Variants in ITGAM observed in about 807,000 individuals in gnomAD.
The protein encoded by ITGAM is integrin alpha-M.
A neutral mutation model predicts 137.5 loss-of-function variants in ITGAM; 79 were observed. The ratio of observed to expected loss-of-function variants is 0.57; its 90% CI spans 0.48 to 0.69. The LOEUF (loss-of-function observed/expected upper bound fraction) is 0.69, where lower values mean the gene tolerates loss of function less well. Ranked by LOEUF, ITGAM falls within the 30% of genes least tolerant of loss-of-function variation. The pLI is 0.00. For synonymous variants in ITGAM, 583 were observed against 592.3 expected (o/e 0.98, Z 0.23); for missense variants, 1,343 against 1,483.5 (o/e 0.91, Z 1.56).
chr16:31,316,749 A>G (rs1186368728), intron 14 of ITGAM, among the ~76,000 whole-genome samples: 1 of 152,170 alleles, frequency 6.6e-6, no homozygotes, highest in Non-Finnish European at 1.5e-5. Context: ...AATATGGGAT[A>G]TCTTTCCATT....
chr16:31,281,303 C>T (rs1024514862), intron 12 of ITGAM, among the ~76,000 whole-genome samples: 1 of 152,144 alleles, frequency 6.6e-6, no homozygotes, highest in Non-Finnish European at 1.5e-5. Flanking sequence ...GGTACCATCT[C>T]CTCCTTGTAC....
At chr16:31,265,758 C>T in intron 3 of ITGAM, 53 bp from the exon 4 acceptor site, 1 of 1,528,278 alleles carries the variant, frequency 6.5e-7, no homozygotes, top group Non-Finnish European at 9.0e-7. Context: ...AGCTCTTCCA[C>T]AGCCTTCTCT....
chr16:31,302,846 TTTC>T (rs1397712562), intron 14 of ITGAM, among the ~76,000 whole-genome samples: 3 of 151,196 alleles, frequency 2.0e-5, no homozygotes, highest in African/African-American at 7.4e-5. Flanking sequence ...TTTCTTTCTC[TTTC>T]TTTCTTCTTT....
intron 6 of ITGAM, 93 bp from the exon 7 acceptor site, chr16:31,271,754 G>A (rs1039080647): frequency 6.8e-7 from 1 of 1,467,976 alleles, no homozygotes. Flanking sequence ...AATTTGGAGA[G>A]TGGAGTGTTT....
chr16:31,284,029 G>T (rs2079999348), intron 12 of ITGAM, among the ~76,000 whole-genome samples: 1 of 152,210 alleles, frequency 6.6e-6, no homozygotes, highest in South Asian at 2.1e-4. Flanking sequence ...ACCAGTGGAG[G>T]CTGCAGAACA....
At chr16:31,277,872 G>A (rs976183531) in intron 11 of ITGAM, 95 bp from the exon 12 acceptor site, 19 of 1,297,544 alleles carry the variant, frequency 1.5e-5, no homozygotes, top group East Asian at 7.7e-5. Context: ...CACAGCAAGC[G>A]TGGGGCTGCC....
At chr16:31,298,656 G>A (rs1265977445) in intron 14 of ITGAM, among the ~76,000 whole-genome samples, 1 of 152,182 alleles carries the variant, frequency 6.6e-6, no homozygotes, top group Non-Finnish European at 1.5e-5. Flanking sequence ...CCCACATCCT[G>A]GGAAACCTAT....
At chr16:31,304,464 GT>G (rs2080246244) in intron 14 of ITGAM, among the ~76,000 whole-genome samples, 1 of 152,062 alleles carries the variant, frequency 6.6e-6, no homozygotes, top group Non-Finnish European at 1.5e-5. Flanking sequence ...AAGCTTTTTA[GT>G]TTAATTAGGT....
chr16:31,305,262 T>A (rs1220122703), intron 14 of ITGAM, among the ~76,000 whole-genome samples: 1 of 152,160 alleles, frequency 6.6e-6, no homozygotes, highest in Non-Finnish European at 1.5e-5. Flanking sequence ...CTCAGCTTTG[T>A]CATTGTTGGT....
At chr16:31,278,657 C>A (rs960651385) in intron 12 of ITGAM, among the ~76,000 whole-genome samples, 7 of 152,192 alleles carry the variant, frequency 4.6e-5, no homozygotes, top group African/African-American at 1.7e-4. Context: ...GCGAGTGAGG[C>A]AAAACTCTCT....
chr16:31,325,484 C>G lies in ITGAM; in HGVS notation c.2506-16C>G. 5.6e-6 allele frequency: 9 copies of G among 1,613,808 alleles called. No homozygotes were observed. Among genetic ancestry groups the G allele is most frequent in the Non-Finnish European group, 7.6e-6 (9 of 1,179,818 alleles). ...CGGAGGTGGATATCACCGCCTTTGC[C>G]TCCCCTGCCTTCCAGAACCAGCGCT... On this transcript the variant is annotated splice_polypyrimidine_tract_variant and intron_variant, in intron 20 of 29. Transcript: ENST00000544665.
At position 31,297,641 on chromosome 16, in the gene ITGAM, C is replaced by T. The variant is rs779247746; in HGVS notation, c.1484C>T (p.Pro495Leu). The T allele has an allele frequency of 7.4e-6, 12 of 1,613,226 alleles. No individual in the cohort carries two copies. The highest frequency in any genetic ancestry group is 1.0e-5 in the Non-Finnish European group (12 of 1,179,790). Reference sequence around the variant, plus strand: ...CGAGGGGGCCAGGTGTCCGTGTGCCCCTTGCCCAGGGGGGTGAGTGGCAAT... The same window carrying T: ...CGAGGGGGCCAGGTGTCCGTGTGCCTCTTGCCCAGGGGGGTGAGTGGCAAT... ...QTRGGQVSVCPLPRGRARWQC... is the reference protein window; with the variant it reads ...QTRGGQVSVCLLPRGRARWQC... The change falls in exon 13 of 30, where the codon CCC (proline) becomes CTC (leucine). Residue 495 changes from proline to leucine, a missense_variant. Pro to Leu is a moderately conservative substitution (Grantham distance 98). Transcript: ENST00000544665.
chr16:31,269,740 C>T (rs2079807996), intron 5 of ITGAM, among the ~76,000 whole-genome samples: 1 of 152,170 alleles, frequency 6.6e-6, no homozygotes, highest in South Asian at 2.1e-4. Context: ...AGAGGGAGAG[C>T]TCACCAGGGT....
chr16:31,329,742 C>A, intron 24 of ITGAM, 56 bp from the exon 25 acceptor site: 1 of 1,469,682 alleles, frequency 6.8e-7, no homozygotes, highest in South Asian at 1.2e-5. Flanking sequence ...GAGGCTGATT[C>A]TCCAGGCTGG....
At chr16:31,298,037 A>G (rs1597009158) in intron 14 of ITGAM, 83 bp downstream of exon 14, 3 of 1,151,756 alleles carry the variant, frequency 2.6e-6, no homozygotes, top group Non-Finnish European at 2.6e-6. Context: ...CAGCTGCCAG[A>G]TAAGTTCTCA....
chr16:31,309,721 T>C (rs2080304792), intron 14 of ITGAM, among the ~76,000 whole-genome samples: 1 of 152,146 alleles, frequency 6.6e-6, no homozygotes, highest in African/African-American at 2.4e-5. Flanking sequence ...ATTTTGCTCG[T>C]TAGTTGATGC....
Position 31,297,517 on chromosome 16 carries a change from G to T in ITGAM, c.1360G>T (p.Gly454Cys). 1 of 1,611,960 alleles carries T rather than the reference G, an allele frequency of 6.2e-7. No individual in the cohort carries two copies. Reference protein sequence around the residue: ...SNANVKGTQIGAYFGASLCSV... With the variant: ...SNANVKGTQICAYFGASLCSV... ...ATTACGGTCCTGTCTCTTTCAGATC[G>T]GCGCCTACTTCGGGGCCTCCCTCTG... The change falls in exon 13 of 30, where the codon GGC (glycine) becomes TGC (cysteine). Residue 454 changes from glycine (G) to cysteine (C), a missense_variant. Transcript: ENST00000544665.
chr16:31,326,637 G>T (rs910946092), intron 21 of ITGAM, among the ~76,000 whole-genome samples: 1 of 152,096 alleles, frequency 6.6e-6, no homozygotes, highest in Middle Eastern at 3.4e-3. Context: ...GGCTGGTCTC[G>T]AACTCCTGAC....
At chr16:31,263,099 G>A (rs1275241410) in intron 2 of ITGAM, among the ~76,000 whole-genome samples, 6 of 152,038 alleles carry the variant, frequency 3.9e-5, no homozygotes, top group Admixed American at 2.6e-4. Context: ...CTGCCACCAC[G>A]CCTGGCTAAT....
Sources: allele counts gnomAD v4.1 joint callset (sites outside exome capture counted in the v4.1 genomes callset), GRCh38; gene constraint gnomAD v4.1.1; transcripts MANE v1.5; gene names NCBI Gene and HGNC (gene_info 2026-07-23, HGNC 2026-07-21).